Variants in ARHGEF7 observed in about 807,000 individuals in gnomAD.
ARHGEF7 encodes PAK-interacting exchange factor beta.
In ARHGEF7, 33 loss-of-function variants were observed where a neutral mutation model predicts 109.8. The observed-to-expected ratio is 0.30, with a 90% CI of 0.23 to 0.40. ARHGEF7 has a LOEUF of 0.40. ARHGEF7 is among the 10% of genes least tolerant of loss of function. The probability of loss-of-function intolerance (pLI) is 1.00; values close to 1 mark genes in which losing one functional copy is unlikely to be tolerated. For missense variants in ARHGEF7, 938 were observed against 1,098.5 expected (o/e 0.85, Z 2.07); for synonymous variants, 458 against 424.6 (o/e 1.08, Z -0.97).
intron 2 of ARHGEF7, among the ~76,000 whole-genome samples, chr13:111,198,780 T>C (rs1463070464): frequency 1.3e-5 from 2 of 152,130 alleles, no homozygotes; most frequent in Non-Finnish European, 2.9e-5. Context: ...GCTGCTGGCT[T>C]GGGTGGCCAG....
chr13:111,253,012 G>A, intron 8 of ARHGEF7, among the ~76,000 whole-genome samples: 1 of 152,262 alleles, frequency 6.6e-6, no homozygotes, highest in Non-Finnish European at 1.5e-5. Context: ...CTCTCCCAGG[G>A]CCAGGCCCAG....
At chr13:111,246,563 G>GT (rs1162560995) in intron 8 of ARHGEF7, among the ~76,000 whole-genome samples, 1 of 152,210 alleles carries the variant, frequency 6.6e-6, no homozygotes, top group African/African-American at 2.4e-5. Context: ...ATTAGAAACC[G>GT]TAAGTGAATA....
chr13:111,303,069 C>T lies in ARHGEF7; in HGVS notation c.2545C>T (p.Leu849=). 1 of 1,614,078 alleles carries T rather than the reference C, an allele frequency of 6.2e-7. No individual in the cohort carries two copies. The highest frequency in any genetic ancestry group is 8.5e-7 in the Non-Finnish European group (1 of 1,179,956). The change falls in exon 22 of 22, where the codon CTG becomes TTG. Residue 849 remains leucine, a synonymous_variant. Coordinates refer to ENST00000646102, the MANE Select transcript of ARHGEF7 (RefSeq NM_001354046.2). ...KDLEKLVRKV[L]KNMNDPAWDE... is the part of the protein sequence containing the mutation. ...CCTGGAGAAGCTGGTGAGGAAAGTC[C>T]TGAAGAACATGAATGATCCTGCCTG...
chr13:111,224,857 C>T (rs2084972668), intron 5 of ARHGEF7, among the ~76,000 whole-genome samples: 1 of 152,118 alleles, frequency 6.6e-6, no homozygotes, highest in Non-Finnish European at 1.5e-5. Flanking sequence ...TCCTCCTCTC[C>T]GGTGAGGATT....
chr13:111,152,625 C>T (rs1230528832), intron 1 of ARHGEF7, among the ~76,000 whole-genome samples: 1 of 152,274 alleles, frequency 6.6e-6, no homozygotes, highest in Admixed American at 6.5e-5. Context: ...TCCTGAGTAG[C>T]CTGGTGAAAT....
chr13:111,179,644 T>C (rs1451052065), intron 2 of ARHGEF7, among the ~76,000 whole-genome samples: 2 of 152,228 alleles, frequency 1.3e-5, no homozygotes, highest in Non-Finnish European at 2.9e-5. Flanking sequence ...TTCTGTTAAA[T>C]GTAGGATCTG....
At chr13:111,242,238 T>C (rs987222378) in intron 6 of ARHGEF7, among the ~76,000 whole-genome samples, 1 of 152,188 alleles carries the variant, frequency 6.6e-6, no homozygotes, top group African/African-American at 2.4e-5. Flanking sequence ...CCAAGTAGTT[T>C]AGTAAGTGAT....
In ARHGEF7 at chr13:111,256,544, C is replaced by G. The variant is rs116824768; in HGVS notation, c.951-11004C>G. On this transcript the variant is annotated intron_variant, in intron 8 of 21. Coordinates refer to ENST00000646102, the MANE Select transcript of ARHGEF7 (RefSeq NM_001354046.2). ...GATCAGATCTTTCTTGATTGTTCAG[C>G]TTGTCTTTTCGTGTTTGTGCCGATC... Among the ~76,000 whole-genome samples, 1,075 of 152,274 alleles carry G rather than the reference C, an allele frequency of 7.1e-3. 12 individuals are homozygous for G. The highest frequency in any genetic ancestry group is 0.025 in the African/African-American group (1,038 of 41,536).
chr13:111,222,472 C>G (rs2084577288), intron 5 of ARHGEF7, among the ~76,000 whole-genome samples: 1 of 152,090 alleles, frequency 6.6e-6, no homozygotes, highest in East Asian at 1.9e-4. Flanking sequence ...GAGTTTCACT[C>G]TTGTTGCCCA....
At chr13:111,246,139 T>C (rs1364968823) in intron 8 of ARHGEF7, among the ~76,000 whole-genome samples, 4 of 152,242 alleles carry the variant, frequency 2.6e-5, no homozygotes, top group African/African-American at 9.6e-5. Context: ...TATTTGTTAA[T>C]TTCCTGCCAG....
At chr13:111,275,424 G>A (rs41275844) in intron 11 of ARHGEF7, 108 bp from the exon 12 acceptor site, 42,199 of 1,220,184 alleles carry the variant, frequency 0.035, 870 homozygotes, top group Middle Eastern at 0.068. Flanking sequence ...GTCTGAAGAA[G>A]TAAGATATAA....
intron 1 of ARHGEF7, chr13:111,143,712 T>C (rs1173283834): frequency 6.6e-6 from 1 of 152,260 alleles, no homozygotes; most frequent in East Asian, 1.9e-4. Flanking sequence ...GCACATGGAA[T>C]GGTGGCTGCC....
At chr13:111,214,853 A>G (rs559036113) in intron 4 of ARHGEF7, among the ~76,000 whole-genome samples, 1 of 141,536 alleles carries the variant, frequency 7.1e-6, no homozygotes, top group Non-Finnish European at 1.5e-5. Context: ...ATCTGTAAAC[A>G]CATTTAAATA....
chr13:111,174,177 G>A (rs989972602), intron 2 of ARHGEF7, among the ~76,000 whole-genome samples: 1 of 152,290 alleles, frequency 6.6e-6, no homozygotes, highest in East Asian at 1.9e-4. Context: ...TAAAATCTAG[G>A]TAATATTTTA....
chr13:111,219,718 A>C (rs2083577629), intron 5 of ARHGEF7, among the ~76,000 whole-genome samples: 1 of 152,120 alleles, frequency 6.6e-6, no homozygotes. Context: ...GTTGTTAATA[A>C]TGATAATTTA....
intron 2 of ARHGEF7, among the ~76,000 whole-genome samples, chr13:111,192,726 C>CTT (rs59702462): frequency 1.3e-5 from 2 of 152,200 alleles, no homozygotes; most frequent in African/African-American, 4.8e-5. Flanking sequence ...GGAAGGGTAC[C>CTT]GAGTTACCAC....
intron 4 of ARHGEF7, among the ~76,000 whole-genome samples, chr13:111,210,878 T>TG (rs2082410531): frequency 6.6e-6 from 1 of 152,172 alleles, no homozygotes; most frequent in Non-Finnish European, 1.5e-5. Context: ...TGCCTTAACA[T>TG]GGGGGAGTAT....
intron 9 of ARHGEF7, among the ~76,000 whole-genome samples, chr13:111,270,681 A>G (rs937045589): frequency 6.6e-6 from 1 of 152,212 alleles, no homozygotes; most frequent in African/African-American, 2.4e-5. Context: ...TGAAATATAA[A>G]TAATGACCTG....
chr13:111,149,818 A>G (rs2075804352), intron 1 of ARHGEF7, among the ~76,000 whole-genome samples: 1 of 152,234 alleles, frequency 6.6e-6, no homozygotes, highest in South Asian at 2.1e-4. Context: ...TTTATACTGT[A>G]TAGCACAGTA....
Sources: gnomAD v4.1 joint callset for allele counts (sites outside exome capture counted in the v4.1 genomes callset) on GRCh38, gnomAD v4.1.1 for gene constraint, MANE v1.5 for transcripts, NCBI Gene and HGNC (gene_info 2026-07-23, HGNC 2026-07-21) for gene names.